Variants in SEPTIN2 observed in about 807,000 individuals in gnomAD.
SEPTIN2 encodes the protein septin-2.
A neutral mutation model predicts 46.5 loss-of-function variants in SEPTIN2; 34 were observed. That is an observed-to-expected ratio of 0.73 (90% CI 0.56 to 0.97). SEPTIN2 has a LOEUF of 0.97. SEPTIN2 is among the 50% of genes least tolerant of loss of function. The pLI is 0.00. For missense variants in SEPTIN2, 347 were observed against 448.4 expected, an observed-to-expected ratio of 0.77 and a Z score of 2.04; for synonymous variants, 175 against 153.4, an observed-to-expected ratio of 1.14 and a Z score of -1.04.
intron 7 of SEPTIN2, among the ~76,000 whole-genome samples, chr2:241,340,392 C>G (rs925796310): frequency 1.8e-4 from 27 of 152,192 alleles, no homozygotes; most frequent in Admixed American, 1.6e-3. Flanking sequence ...GTTTGACTTT[C>G]ATTTTTTCAC....
At chr2:241,342,272 G>T (rs1559653174) in intron 7 of SEPTIN2, among the ~76,000 whole-genome samples, 1 of 150,650 alleles carries the variant, frequency 6.6e-6, no homozygotes, top group African/African-American at 2.4e-5. Context: ...TTCCATCTGG[G>T]GTACTTCTCC....
intron 4 of SEPTIN2, chr2:241,335,751 T>A (rs2079853880): frequency 3.4e-6 from 2 of 590,420 alleles, no homozygotes; most frequent in East Asian, 5.7e-5. Context: ...AAATTATAAT[T>A]TTTAACATTT....
intron 11 of SEPTIN2, among the ~76,000 whole-genome samples, chr2:241,349,055 A>T (rs2060535043): frequency 6.6e-6 from 1 of 152,190 alleles, no homozygotes; most frequent in Admixed American, 6.5e-5. Context: ...AAGGATAAAG[A>T]TGAATTAACA....
At chr2:241,339,796 G>A (rs2081004899) in intron 7 of SEPTIN2, among the ~76,000 whole-genome samples, 1 of 152,118 alleles carries the variant, frequency 6.6e-6, no homozygotes, top group African/African-American at 2.4e-5. Flanking sequence ...CTGCACACAA[G>A]ATTTCACATC....
chr2:241,347,126 G>A (rs773400452), intron 10 of SEPTIN2, among the ~76,000 whole-genome samples: 13 of 152,192 alleles, frequency 8.5e-5, no homozygotes, highest in East Asian at 1.9e-4. Context: ...ATGTGGTGGT[G>A]CATGCCTGTG....
At chr2:241,324,316 T>TTA in intron 2 of SEPTIN2, 75 bp downstream of exon 2, 1 of 1,169,398 alleles carries the variant, frequency 8.6e-7, no homozygotes, top group African/African-American at 1.5e-5. Context: ...CAGTCGGGAC[T>TTA]TATATGATTC....
chr2:241,319,403 A>G (rs2076823121), intron 1 of SEPTIN2, among the ~76,000 whole-genome samples: 2 of 152,238 alleles, frequency 1.3e-5, no homozygotes. Flanking sequence ...TGGATAGCAC[A>G]TGGGGGTTTT....
chr2:241,320,281 T>G (rs1245781942), intron 1 of SEPTIN2: 1 of 471,212 alleles, frequency 2.1e-6, no homozygotes. Flanking sequence ...CTTGGTCCTT[T>G]TCATTGGTAT....
intron 5 of SEPTIN2, chr2:241,336,686 T>A (rs1375687686): frequency 1.7e-5 from 3 of 171,810 alleles, no homozygotes; most frequent in Admixed American, 6.3e-5. Context: ...GAAAGTGCTG[T>A]ACTGTTTCCC....
At chr2:241,316,413 C>A in intron 1 of SEPTIN2, 1 of 1,106,058 alleles carries the variant, frequency 9.0e-7, no homozygotes, top group Admixed American at 3.3e-5. Flanking sequence ...GTGCCATTTC[C>A]TCCCTGAGGC....
chr2:241,323,643 C>G (rs2077482430), intron 1 of SEPTIN2, among the ~76,000 whole-genome samples: 1 of 152,076 alleles, frequency 6.6e-6, no homozygotes, highest in Non-Finnish European at 1.5e-5. Flanking sequence ...GATGCTGTCA[C>G]CTAAAATAAT....
At chr2:241,346,357 G>A in intron 10 of SEPTIN2, 108 bp downstream of exon 10, 1 of 686,766 alleles carries the variant, frequency 1.5e-6, no homozygotes, top group South Asian at 2.6e-5. Flanking sequence ...AACATGGTTT[G>A]GTTTCCTACT....
intron 9 of SEPTIN2, among the ~76,000 whole-genome samples, chr2:241,344,956 A>G (rs1288761501): frequency 6.6e-6 from 1 of 151,202 alleles, no homozygotes; most frequent in Non-Finnish European, 1.5e-5. Flanking sequence ...TACTAAAAAT[A>G]CAAAAAAATT....
In SEPTIN2 at chr2:241,335,965, T is replaced by A; in HGVS notation, c.218-10T>A. On this transcript the variant is annotated splice_polypyrimidine_tract_variant and intron_variant, in intron 4 of 12. Coordinates refer to ENST00000391971, the MANE Select transcript of SEPTIN2 (RefSeq NM_004404.5). ...GCTTATATTCCCTATTAAGTTTGTT[T>A]CTTTTCTAGAAAAAATTGAAAGAAC... 6.2e-7 allele frequency: 1 copy of A among 1,614,168 alleles called. No individual in the cohort carries two copies. Among genetic ancestry groups the A allele is most frequent in the South Asian group, 1.1e-5 (1 of 91,086 alleles).
At chr2:241,334,292 G>A (rs2079533494) in intron 3 of SEPTIN2, among the ~76,000 whole-genome samples, 1 of 152,194 alleles carries the variant, frequency 6.6e-6, no homozygotes, top group Non-Finnish European at 1.5e-5. Context: ...ATCAGAAGCA[G>A]TTCTCCATGC....
chr2:241,336,162 T>A, intron 5 of SEPTIN2, 64 bp downstream of exon 5: 1 of 1,493,050 alleles, frequency 6.7e-7, no homozygotes, highest in Non-Finnish European at 9.2e-7. Context: ...AATTTATAGA[T>A]AGTGTTAATG....
rs369644369 is a variant in SEPTIN2 at position 241,337,415 on chromosome 2, A to G, written c.375A>G (p.Gln125=). 1.7e-5 allele frequency: 27 copies of G among 1,613,772 alleles called. No homozygotes were observed. The African/African-American group carries it at 2.3e-4, about 14-fold the overall frequency. ...FKTIISYIDE[Q]FERYLHDESG... is the part of the protein sequence containing the mutation. ...CAATTATCTCCTATATTGATGAGCA[A>G]TTTGAGAGGTACCTGCATGACGAGA... The change falls in exon 6 of 13, where the codon CAA becomes CAG. Residue 125 remains glutamine, a synonymous_variant. Coordinates refer to ENST00000391971, the MANE Select transcript of SEPTIN2 (RefSeq NM_004404.5).
At chr2:241,338,912 T>TATATATTATATATATTATATATA (rs2080788051) in intron 7 of SEPTIN2, among the ~76,000 whole-genome samples, 1 of 60,720 alleles carries the variant, frequency 1.6e-5, no homozygotes, top group African/African-American at 5.6e-5. Context: ...TTATATATAA[T>TATATATTATATATATTATATATA]ATATATAATT....
rs546979567 is a variant in SEPTIN2 at position 241,346,798 on chromosome 2, CGAGT to C, written c.926+550_926+553del. Reference sequence around the variant, plus strand: ...AGATGGAAAGGCCAGAGGCTTGTGTCGAGTTCTCCTTCAAAAGCATCACTCTGTA... The same window carrying C: ...AGATGGAAAGGCCAGAGGCTTGTGTCTCTCCTTCAAAAGCATCACTCTGTA... On this transcript the variant is annotated intron_variant, in intron 10 of 12. Coordinates refer to ENST00000391971, the MANE Select transcript of SEPTIN2 (RefSeq NM_004404.5). 7.8e-4 allele frequency among the ~76,000 whole-genome samples: 119 copies of C among 152,030 alleles called. 1 individual carries two copies. The highest frequency in any genetic ancestry group is 2.5e-3 in the African/African-American group (104 of 41,472).
Sources: gnomAD v4.1 joint callset for allele counts (sites outside exome capture counted in the v4.1 genomes callset) on GRCh38, gnomAD v4.1.1 for gene constraint, MANE v1.5 for transcripts, NCBI Gene and HGNC (gene_info 2026-07-23, HGNC 2026-07-21) for gene names.